GPRIN3: variants seen among roughly 807,000 people sequenced by gnomAD.
GPRIN3 encodes the protein GPRIN family member 3.
GPRIN3 carries 12 observed loss-of-function variants against 13.7 expected under a neutral mutation model. That is an observed-to-expected ratio of 0.87 (90% CI 0.56 to 1.42). The LOEUF is 1.42. Among genes scored for constraint, GPRIN3 ranks in the 40% most tolerant of loss-of-function variants. The pLI is 0.00. For missense variants in GPRIN3, 1,009 were observed against 958.7 expected (o/e 1.05, Z -0.69); for synonymous variants, 377 against 372.7 (o/e 1.01, Z -0.13).
At position 89,248,141 on chromosome 4, in the gene GPRIN3, C is replaced by A. The variant is rs1723165545; in HGVS notation, c.1970G>T (p.Gly657Val). 1 of 1,614,096 alleles carries A rather than the reference C, an allele frequency of 6.2e-7. No homozygotes were observed. The highest frequency in any genetic ancestry group is 1.3e-5 in the African/African-American group (1 of 75,018). The change falls in exon 2 of 2, where the codon GGA becomes GTA. Residue 657 changes from glycine (G) to valine (V), a missense_variant. Transcript: ENST00000609438. ...LNVTAAAAQV[G>V]LTPGDKKKQL... ...CTTTTTCTTATCTCCTGGAGTGAGT[C>A]CTACCTGAGCAGCAGCTGCTGTCAC...
In GPRIN3 at chr4:89,278,853, G is replaced by T. The variant is rs187456477; in HGVS notation, c.-123-28620C>A. On this transcript the variant is annotated intron_variant, in intron 1 of 1. Coordinates refer to ENST00000609438, the MANE Select transcript of GPRIN3 (RefSeq NM_198281.3). ...ACTACAGCCTGTCCAAGGATCTGGG[G>T]TAGTCACAGAATTGAGGGGAAACCT... 2.3e-4 allele frequency among the ~76,000 whole-genome samples: 35 copies of T among 152,322 alleles called. No individual in the cohort carries two copies. In the East Asian group the frequency reaches 6.6e-3, roughly 29 times the overall value.
At chr4:89,280,682 C>T (rs1266767395) in intron 1 of GPRIN3, among the ~76,000 whole-genome samples, 1 of 152,052 alleles carries the variant, frequency 6.6e-6, no homozygotes, top group East Asian at 1.9e-4. Context: ...CAAGTTAGGA[C>T]AAAGTCATAC....
chr4:89,256,347 A>C (rs1215104130), intron 1 of GPRIN3, among the ~76,000 whole-genome samples: 1 of 152,182 alleles, frequency 6.6e-6, no homozygotes, highest in East Asian at 1.9e-4. Context: ...TGGTCACCTT[A>C]GGGAAAGTCC....
At chr4:89,295,357 C>T (rs745462947) in intron 1 of GPRIN3, among the ~76,000 whole-genome samples, 3 of 152,096 alleles carry the variant, frequency 2.0e-5, no homozygotes, top group Admixed American at 6.6e-5. Context: ...AAGTCCAGGC[C>T]TTTCATTCAA....
At chr4:89,306,951 C>T (rs764554392) in intron 1 of GPRIN3, among the ~76,000 whole-genome samples, 1 of 152,042 alleles carries the variant, frequency 6.6e-6, no homozygotes, top group Non-Finnish European at 1.5e-5. Flanking sequence ...TGAAGATCTT[C>T]TGTGTGTGTT....
chr4:89,256,694 T>A (rs923406841), intron 1 of GPRIN3, among the ~76,000 whole-genome samples: 1 of 152,218 alleles, frequency 6.6e-6, no homozygotes, highest in African/African-American at 2.4e-5. Flanking sequence ...TCTTTAGTGA[T>A]ATTAAATAAG....
intron 1 of GPRIN3, among the ~76,000 whole-genome samples, chr4:89,294,146 T>A (rs1405769842): frequency 6.6e-6 from 1 of 152,222 alleles, no homozygotes; most frequent in African/African-American, 2.4e-5. Context: ...AACTTCGGCA[T>A]AATAATGAGT....
chr4:89,248,195 C>T lies in GPRIN3; in HGVS notation c.1916G>A (p.Ser639Asn), dbSNP rs1205136258. Reference protein sequence around the residue: ...KASPRRPSRVSEFLKEQKLNV... With the variant: ...KASPRRPSRVNEFLKEQKLNV... ...TAACTTTTGCTCCTTGAGGAACTCG[C>T]TGACGCGGCTGGGCCTGCGTGGGCT... is the stretch of plus-strand genomic sequence containing the variant. Residue 639 changes from serine to asparagine, a missense_variant, in exon 2 of 2, where the codon AGC becomes AAC. Physicochemically the swap from Ser to Asn is conservative, Grantham distance 46. Coordinates refer to ENST00000609438, the MANE Select transcript of GPRIN3 (RefSeq NM_198281.3). 5 of 1,614,196 alleles carry T rather than the reference C, an allele frequency of 3.1e-6. No individual in the cohort carries two copies. The highest frequency in any genetic ancestry group is 1.7e-6 in the Non-Finnish European group (2 of 1,180,028).
chr4:89,248,622 C>A lies in GPRIN3; in HGVS notation c.1489G>T (p.Glu497Ter). ...KFETRPSEFAEKTTNGHKTDP... is the reference protein window; with the variant it reads ...KFETRPSEFA ...GTTTTGTGGCCGTTTGTCGTTTTCT[C>A]TGCAAACTCAGATGGCCTGGTTTCA... is the stretch of plus-strand genomic sequence containing the variant. Residue 497 changes from glutamate to a stop codon, truncating the protein, a stop_gained, in exon 2 of 2, where the codon GAG (glutamate) becomes TAG (stop). Coordinates refer to ENST00000609438, the MANE Select transcript of GPRIN3 (RefSeq NM_198281.3). LOFTEE classifies it low-confidence loss of function (END_TRUNC). 1 of 1,614,124 alleles carries A rather than the reference C, an allele frequency of 6.2e-7. No individual in the cohort carries two copies. Among genetic ancestry groups the A allele is most frequent in the South Asian group, 1.1e-5 (1 of 91,078 alleles).
At chr4:89,267,457 G>A (rs1322859226) in intron 1 of GPRIN3, among the ~76,000 whole-genome samples, 1 of 152,120 alleles carries the variant, frequency 6.6e-6, no homozygotes, top group Non-Finnish European at 1.5e-5. Context: ...GCCTCGGTGA[G>A]GTACCCTTAT....
chr4:89,248,222 G>A lies in GPRIN3; in HGVS notation c.1889C>T (p.Ala630Val). 1 of 1,614,200 alleles carries A rather than the reference G, an allele frequency of 6.2e-7. No individual in the cohort carries two copies. Among genetic ancestry groups the A allele is most frequent in the African/African-American group, 1.3e-5 (1 of 75,058 alleles). ...GKKTPSRSVK[A>V]SPRRPSRVSE... Reference sequence around the variant, plus strand: ...GACGCGGCTGGGCCTGCGTGGGCTGGCTTTGACGGAGCGAGATGGGGTCTT... The same window carrying A: ...GACGCGGCTGGGCCTGCGTGGGCTGACTTTGACGGAGCGAGATGGGGTCTT... Residue 630 changes from alanine (A) to valine (V), a missense_variant, in exon 2 of 2, where the codon GCC (alanine) becomes GTC (valine). Physicochemically the swap from Ala to Val is moderately conservative, Grantham distance 64. Coordinates refer to ENST00000609438, the MANE Select transcript of GPRIN3 (RefSeq NM_198281.3).
intron 1 of GPRIN3, among the ~76,000 whole-genome samples, chr4:89,294,493 C>T (rs1002518853): frequency 1.3e-5 from 2 of 152,150 alleles, no homozygotes; most frequent in African/African-American, 2.4e-5. Context: ...TACTTAAATT[C>T]CTAATGTTTT....
chr4:89,270,222 T>C lies in GPRIN3; in HGVS notation c.-123-19989A>G, dbSNP rs913335227. ...CCCTTTGTCTAGTGGTGGTACAGCT[T>C]CTCAGGAATGAAGATGGTAGATTAA... On this transcript the variant is annotated intron_variant, in intron 1 of 1. Coordinates refer to ENST00000609438, the MANE Select transcript of GPRIN3 (RefSeq NM_198281.3). Among the ~76,000 whole-genome samples the C allele has an allele frequency of 9.2e-5, 14 of 152,142 alleles. No homozygotes were observed. In the South Asian group the frequency reaches 2.9e-3, roughly 32 times the overall value.
intron 1 of GPRIN3, among the ~76,000 whole-genome samples, chr4:89,280,156 G>T (rs951960478): frequency 6.6e-6 from 1 of 152,022 alleles, no homozygotes; most frequent in African/African-American, 2.4e-5. Context: ...TGGTGTTTAT[G>T]GATCCTTCCT....
intron 1 of GPRIN3, among the ~76,000 whole-genome samples, chr4:89,266,719 T>C (rs897554797): frequency 6.6e-6 from 1 of 152,206 alleles, no homozygotes; most frequent in Non-Finnish European, 1.5e-5. Context: ...GGTTCCATAG[T>C]GAGTTTCTGT....
At position 89,248,082 on chromosome 4, in the gene GPRIN3, G is replaced by A. The variant is rs1454057763; in HGVS notation, c.2029C>T (p.Gln677Ter). The change falls in exon 2 of 2, where the codon CAG (glutamine) becomes TAG (stop). Residue 677 changes from glutamine to a stop codon, truncating the protein, a stop_gained. Coordinates refer to ENST00000609438, the MANE Select transcript of GPRIN3 (RefSeq NM_198281.3). LOFTEE classifies it high-confidence loss of function. ...LGADSKLQLK[Q>*]SKRVRDVVWD... ...ACGACGTCCCTGACACGCTTGGACT[G>A]TTTCAGCTGGAGCTTGGAGTCTGCG... The A allele has an allele frequency of 6.2e-7, 1 of 1,614,148 alleles. No homozygotes were observed. The highest frequency in any genetic ancestry group is 8.5e-7 in the Non-Finnish European group (1 of 1,179,998).
At chr4:89,273,189 A>G (rs1333388872) in intron 1 of GPRIN3, among the ~76,000 whole-genome samples, 1 of 152,214 alleles carries the variant, frequency 6.6e-6, no homozygotes, top group Non-Finnish European at 1.5e-5. Context: ...TGGAGCTTAA[A>G]TCTACAAATT....
intron 1 of GPRIN3, among the ~76,000 whole-genome samples, chr4:89,286,934 T>C (rs1724436020): frequency 6.6e-6 from 1 of 152,156 alleles, no homozygotes; most frequent in Non-Finnish European, 1.5e-5. Flanking sequence ...GAGGCTATAG[T>C]GAGCTATGAT....
chr4:89,244,849 C>A lies in GPRIN3; in HGVS notation c.*2931G>T, dbSNP rs1723045056. The A allele has an allele frequency of 1.3e-5, 2 of 152,194 alleles. No individual in the cohort carries two copies. The highest frequency in any genetic ancestry group is 4.1e-4 in the South Asian group (2 of 4,822). The allele number at this position is 152,194 out of a possible 1,614,324, so 9.4% of individuals were successfully genotyped here. A position where few individuals can be genotyped will look rare whatever the true frequency, so the allele number is the denominator to read the frequency against. On this transcript the variant is annotated 3_prime_UTR_variant, in exon 2 of 2. Transcript: ENST00000609438. ...TCTTGATTCAATAAAATATTTCCTC[C>A]ATATATTTCAAAAATATAATGCATG... is the stretch of plus-strand genomic sequence containing the variant.
Sources: allele counts gnomAD v4.1 joint callset (sites outside exome capture counted in the v4.1 genomes callset), GRCh38; gene constraint gnomAD v4.1.1; transcripts MANE v1.5; gene names NCBI Gene and HGNC (gene_info 2026-07-23, HGNC 2026-07-21).